Variants in ARHGEF10 observed in about 807,000 individuals in gnomAD.
The protein encoded by ARHGEF10 is Rho guanine nucleotide exchange factor 10.
ARHGEF10 carries 140 observed loss-of-function variants against 147.4 expected under a neutral mutation model. The observed-to-expected ratio is 0.95, with a 90% CI of 0.83 to 1.09. The LOEUF (loss-of-function observed/expected upper bound fraction) is 1.09, where lower values mean the gene tolerates loss of function less well. ARHGEF10 is among the 50% of genes least tolerant of loss of function. The pLI, the probability that ARHGEF10 is intolerant of heterozygous loss-of-function variation, is 0.00. For missense variants in ARHGEF10, 2,222 were observed against 1,752.7 expected, an observed-to-expected ratio of 1.27 and a Z score of -4.78; for synonymous variants, 902 against 695.8, an observed-to-expected ratio of 1.30 and a Z score of -4.67.
rs1243945603 is a variant in ARHGEF10 at position 1,919,692 on chromosome 8, T to C, written c.2144-3272T>C. On this transcript the variant is annotated intron_variant, in intron 18 of 28. Coordinates refer to ENST00000349830, the MANE Select transcript of ARHGEF10 (RefSeq NM_014629.4). Reference sequence around the variant, plus strand: ...GAGCTGTTCTATGGGTGATGAGCTGTTTTGTGGGTGATGGAGCTGTTCTGT... The same window carrying C: ...GAGCTGTTCTATGGGTGATGAGCTGCTTTGTGGGTGATGGAGCTGTTCTGT... Among the ~76,000 whole-genome samples, 29 of 138,838 alleles carry C rather than the reference T, an allele frequency of 2.1e-4. 1 individual carries two copies. Among genetic ancestry groups the C allele is most frequent in the East Asian group, 1.6e-3 (7 of 4,392 alleles). The allele number at this position is 138,838 out of a possible 152,430, so 91.1% of individuals were successfully genotyped here.
chr8:1,898,912 A>C (rs1421941544), intron 15 of ARHGEF10, among the ~76,000 whole-genome samples: 1 of 152,218 alleles, frequency 6.6e-6, no homozygotes, highest in Admixed American at 6.5e-5. Flanking sequence ...CTAGGATCAC[A>C]TGAAAAATGA....
At position 1,888,790 on chromosome 8, in the gene ARHGEF10, T is replaced by A. The variant is rs76359430; in HGVS notation, c.1182+3083T>A. On this transcript the variant is annotated intron_variant, in intron 11 of 28. Coordinates refer to ENST00000349830, the MANE Select transcript of ARHGEF10 (RefSeq NM_014629.4). ...GTGAGGAGACACTGAGTGGGGTGAGTATTGTGAGGAGACACTGAGTGGGGT... is the reference window on the plus strand; with the variant it reads ...GTGAGGAGACACTGAGTGGGGTGAGAATTGTGAGGAGACACTGAGTGGGGT... 2.3e-3 allele frequency among the ~76,000 whole-genome samples: 66 copies of A among 28,620 alleles called. 3 individuals are homozygous for A. The highest frequency in any genetic ancestry group is 3.8e-3 in the African/African-American group (32 of 8,342). 18.8% of individuals were successfully genotyped at this position (28,620 alleles called of 152,430 possible).
intron 28 of ARHGEF10, among the ~76,000 whole-genome samples, chr8:1,955,898 T>TC (rs1815526040): frequency 6.6e-6 from 1 of 152,198 alleles, no homozygotes; most frequent in East Asian, 1.9e-4. Context: ...CCCTGCACAG[T>TC]CCCCCCAGCT....
chr8:1,857,875 GATCGATCTATCTATCTATCT>G lies in ARHGEF10; in HGVS notation c.38-81_38-62del, dbSNP rs1249641712. ...TCAGTGTCTCTGGCTAACATAGATC[GATCGATCTATCTATCTATCT>G]ATCTATCTATCTATCTATCTATCTA... On this transcript the variant is annotated intron_variant, in intron 2 of 28. Coordinates refer to ENST00000349830, the MANE Select transcript of ARHGEF10 (RefSeq NM_014629.4). 2.8e-3 allele frequency: 2,558 copies of G among 918,520 alleles called. 49 individuals are homozygous for G. In the African/African-American group the frequency reaches 0.04, roughly 14 times the overall value. 56.9% of individuals were successfully genotyped at this position (918,520 alleles called of 1,614,324 possible).
chr8:1,896,165 G>A lies in ARHGEF10; in HGVS notation c.1441-168G>A, dbSNP rs55730062. On this transcript the variant is annotated intron_variant, in intron 13 of 28. Coordinates refer to ENST00000349830, the MANE Select transcript of ARHGEF10 (RefSeq NM_014629.4). ...AAACCAGCAACTTAACTCCTAACAC[G>A]CTTGCTTAAAGAAAAAAAATCACAC... Among the ~76,000 whole-genome samples the A allele has an allele frequency of 2.8e-3, 420 of 152,178 alleles. 2 individuals are homozygous for A. The highest frequency in any genetic ancestry group is 9.7e-3 in the African/African-American group (402 of 41,502).
At chr8:1,919,417 C>G (rs1373909763) in intron 18 of ARHGEF10, among the ~76,000 whole-genome samples, 1 of 124,280 alleles carries the variant, frequency 8.0e-6, no homozygotes, top group Admixed American at 8.1e-5. Flanking sequence ...GGAGCTGTTC[C>G]TTGGGTGATG....
intron 3 of ARHGEF10, among the ~76,000 whole-genome samples, chr8:1,858,577 A>G (rs1437033355): frequency 6.6e-6 from 1 of 152,234 alleles, no homozygotes; most frequent in Non-Finnish European, 1.5e-5. Flanking sequence ...ATTAAAAGAA[A>G]TATTCAGAAC....
At chr8:1,898,327 CTTTTGACTTTCCCG>C in intron 14 of ARHGEF10, 92 bp from the exon 15 acceptor site, 1 of 977,388 alleles carries the variant, frequency 1.0e-6, no homozygotes, top group South Asian at 1.3e-5. Flanking sequence ...AAGGTGCAGG[CTTTTGACTTTCCCG>C]AGTGTTCAGT....
chr8:1,880,115 C>G lies in ARHGEF10; in HGVS notation c.911C>G (p.Thr304Arg). Residue 304 changes from threonine (T) to arginine (R), a missense_variant, in exon 9 of 29, where the codon ACG (threonine) becomes AGG (arginine). Thr to Arg is a moderately conservative substitution (Grantham distance 71). Coordinates refer to ENST00000349830, the MANE Select transcript of ARHGEF10 (RefSeq NM_014629.4). ...AAGATGAGAGATTTGATGGCAAGCACGGTGGGCGTGGTGGAGATTCAGCAG... is the reference window on the plus strand; with the variant it reads ...AAGATGAGAGATTTGATGGCAAGCAGGGTGGGCGTGGTGGAGATTCAGCAG... The part of the protein sequence containing the change: ...EKKMRDLMAS[T>R]VGVVEIQQLR... 2 of 1,614,122 alleles carry G rather than the reference C, an allele frequency of 1.2e-6. No individual in the cohort carries two copies.
At chr8:1,935,407 C>T (rs750196316) in intron 26 of ARHGEF10, among the ~76,000 whole-genome samples, 8 of 152,162 alleles carry the variant, frequency 5.3e-5, no homozygotes, top group East Asian at 3.9e-4. Flanking sequence ...TACAGCATCG[C>T]GCAGAGTGGG....
At chr8:1,944,457 G>T (rs1436017664) in intron 26 of ARHGEF10, among the ~76,000 whole-genome samples, 1 of 152,222 alleles carries the variant, frequency 6.6e-6, no homozygotes, top group African/African-American at 2.4e-5. Flanking sequence ...CCTGCCCGCC[G>T]GGTTCACTGG....
intron 25 of ARHGEF10, among the ~76,000 whole-genome samples, chr8:1,932,523 T>C (rs770004615): frequency 6.6e-5 from 10 of 152,214 alleles, no homozygotes; most frequent in Non-Finnish European, 1.0e-4. Context: ...CGTGTGTGTG[T>C]GCGTGCATGT....
At position 1,905,669 on chromosome 8, in the gene ARHGEF10, A is replaced by C. The variant is rs1167895359; in HGVS notation, c.1920A>C (p.Arg640=). Residue 640 remains arginine, a synonymous_variant, in exon 17 of 29, where the codon CGA becomes CGC. Transcript: ENST00000349830. Reference sequence around the variant, plus strand: ...AGATTGTTAAAACCAAAGAACGCCGAGTCTTCATGTTAAATGATGTGTTAA... The same window carrying C: ...AGATTGTTAAAACCAAAGAACGCCGCGTCTTCATGTTAAATGATGTGTTAA... ...RGEIVKTKER[R]VFMLNDVLMC... is the part of the protein sequence containing the mutation. 1.2e-6 allele frequency: 2 copies of C among 1,614,212 alleles called. No homozygotes were observed. The highest frequency in any genetic ancestry group is 1.7e-5 in the Admixed American group (1 of 60,024).
intron 10 of ARHGEF10, among the ~76,000 whole-genome samples, chr8:1,883,995 G>C (rs1563226754): frequency 6.6e-6 from 1 of 152,162 alleles, no homozygotes; most frequent in Admixed American, 6.5e-5. Context: ...GGGTGTGTGG[G>C]ACAGTCTGAG....
At chr8:1,826,087 G>A (rs754859764) in intron 1 of ARHGEF10, 28 of 1,592,396 alleles carry the variant, frequency 1.8e-5, no homozygotes, top group Non-Finnish European at 2.3e-5. Flanking sequence ...CGGCAGTTAC[G>A]GATGCATAAC....
At chr8:1,826,358 TTG>T (rs1802768207) in intron 1 of ARHGEF10, among the ~76,000 whole-genome samples, 1 of 150,206 alleles carries the variant, frequency 6.7e-6, no homozygotes, top group Non-Finnish European at 1.5e-5. Flanking sequence ...GTGTATGTGT[TTG>T]TGTTTGTATG....
At chr8:1,861,622 A>G (rs1806140828) in intron 4 of ARHGEF10, among the ~76,000 whole-genome samples, 2 of 152,114 alleles carry the variant, frequency 1.3e-5, no homozygotes, top group Admixed American at 1.3e-4. Flanking sequence ...TTTCCAGTTA[A>G]TAACAGTTGA....
chr8:1,832,693 GAGAC>G (rs1370892133), intron 1 of ARHGEF10, among the ~76,000 whole-genome samples: 1 of 124,998 alleles, frequency 8.0e-6, no homozygotes, highest in Non-Finnish European at 1.8e-5. Flanking sequence ...CAGAGACAGA[GAGAC>G]AGGCAGAGGC....
chr8:1,915,249 G>A (rs906300431), intron 18 of ARHGEF10, among the ~76,000 whole-genome samples: 1 of 152,244 alleles, frequency 6.6e-6, no homozygotes, highest in African/African-American at 2.4e-5. Context: ...CAGGGTAGGC[G>A]TGCCATGGCT....
Sources: allele counts gnomAD v4.1 joint callset (sites outside exome capture counted in the v4.1 genomes callset), GRCh38; gene constraint gnomAD v4.1.1; transcripts MANE v1.5; gene names NCBI Gene and HGNC (gene_info 2026-07-23, HGNC 2026-07-21).